The following KDM4A variants were observed in gnomAD, a reference collection of about 807,000 sequenced individuals.
The protein encoded by KDM4A is lysine demethylase 4A, also known as lysine-specific demethylase 4A.
A neutral mutation model predicts 127.1 loss-of-function variants in KDM4A; 23 were observed. The ratio of observed to expected loss-of-function variants is 0.18; its 90% confidence interval spans 0.13 to 0.26. The LOEUF (loss-of-function observed/expected upper bound fraction) is 0.26, where lower values mean the gene tolerates loss of function less well. Ranked by LOEUF, KDM4A falls within the 10% of genes least tolerant of loss-of-function variation. The pLI is 1.00. For missense variants in KDM4A, 890 were observed against 1,329.1 expected, an observed-to-expected ratio of 0.67 and a Z score of 5.14; for synonymous variants, 443 against 466.5, an observed-to-expected ratio of 0.95 and a Z score of 0.65.
intron 11 of KDM4A, among the ~76,000 whole-genome samples, chr1:43,678,885 C>T (rs1346108108): frequency 6.6e-6 from 1 of 152,122 alleles, no homozygotes. Context: ...CACACCCAGC[C>T]TGTGTTTTTA....
intron 4 of KDM4A, among the ~76,000 whole-genome samples, chr1:43,660,692 G>A (rs1660353333): frequency 6.6e-6 from 1 of 152,176 alleles, no homozygotes; most frequent in African/African-American, 2.4e-5. Context: ...TTCTTGAAAG[G>A]GTGGGTTGGC....
At chr1:43,698,513 A>G (rs1466244285) in intron 19 of KDM4A, among the ~76,000 whole-genome samples, 1 of 152,194 alleles carries the variant, frequency 6.6e-6, no homozygotes, top group Non-Finnish European at 1.5e-5. Flanking sequence ...TCAACACCTG[A>G]GACACAGTGG....
intron 12 of KDM4A, among the ~76,000 whole-genome samples, chr1:43,686,626 C>T (rs1009921898): frequency 2.0e-5 from 3 of 152,168 alleles, no homozygotes; most frequent in African/African-American, 2.4e-5. Flanking sequence ...CGTGAGCCAC[C>T]GCACCCAGCC....
At chr1:43,674,654 T>A (rs887583458) in intron 11 of KDM4A, among the ~76,000 whole-genome samples, 1 of 151,938 alleles carries the variant, frequency 6.6e-6, no homozygotes, top group African/African-American at 2.4e-5. Context: ...GTAGCTGGGA[T>A]TACAGGCATG....
At chr1:43,690,246 C>T (rs1298263875) in intron 13 of KDM4A, among the ~76,000 whole-genome samples, 1 of 152,188 alleles carries the variant, frequency 6.6e-6, no homozygotes, top group Non-Finnish European at 1.5e-5. Flanking sequence ...GCTCTGGGTA[C>T]ACTCCTGAGG....
rs1661187648 is a variant in KDM4A, at chr1:43,694,243, G to T, written c.2484+141G>T. ...TTAGATTCCTTAGTGGAGGCCAGGT[G>T]TGGTGGCTCACACCTGTAATCCCAG... On this transcript the variant is annotated intron_variant, in intron 17 of 21. Transcript: ENST00000372396. This position sits in a 1 kb window ranked among gnomAD's most constrained non-coding sequence, Gnocchi z 5.2. 6 of 690,244 alleles carry T rather than the reference G, an allele frequency of 8.7e-6. No individual in the cohort carries two copies. The highest frequency in any genetic ancestry group is 2.6e-4 in the Middle Eastern group (1 of 3,908). 42.8% of individuals were successfully genotyped at this position (690,244 alleles called of 1,614,324 possible).
Position 43,671,859 on chromosome 1 carries a change from A to C in KDM4A, c.1718A>C (p.Glu573Ala). The C allele has an allele frequency of 6.4e-7, 1 of 1,570,306 alleles. No homozygotes were observed. The highest frequency in any genetic ancestry group is 1.2e-5 in the South Asian group (1 of 84,996). The stretch of plus-strand genomic sequence containing the variant: ...GGAAGCGCCGCTAGAAGTTTCAGTG[A>C]GCGGGAGCTGGCAGAGGTATGGGCT... ...KKGSAARSFS[E>A]RELAEVADEY... is the part of the protein sequence containing the mutation. The change falls in exon 11 of 22, where the codon GAG becomes GCG. Residue 573 changes from glutamate (E) to alanine (A), a missense_variant. Physicochemically the swap from Glu to Ala is moderately radical, Grantham distance 107 (BLOSUM62 -1). Around this residue, in one of 7 missense-constraint regions of KDM4A, gnomAD observed 389 missense variants for 485.9 expected, o/e 0.80. Coordinates refer to ENST00000372396, the MANE Select transcript of KDM4A (RefSeq NM_014663.3).
chr1:43,694,666 T>C lies in KDM4A; in HGVS notation c.2485-43T>C. The C allele has an allele frequency of 6.5e-7, 1 of 1,536,930 alleles. No individual in the cohort carries two copies. The highest frequency in any genetic ancestry group is 8.9e-7 in the Non-Finnish European group (1 of 1,117,334). Reference sequence around the variant, plus strand: ...AGGGGAACAACAGAGGAAGCTGCAGTGCCAGTTCCTGCAATCACTGGTTTT... The same window carrying C: ...AGGGGAACAACAGAGGAAGCTGCAGCGCCAGTTCCTGCAATCACTGGTTTT... On this transcript the variant is annotated intron_variant, in intron 17 of 21. Transcript: ENST00000372396. The surrounding 1 kb of genome is among the most constrained non-coding windows in gnomAD (Gnocchi z 5.2).
At position 43,669,089 on chromosome 1, in the gene KDM4A, C is replaced by T. The variant is rs765952631; in HGVS notation, c.1164-11C>T. On this transcript the variant is annotated splice_polypyrimidine_tract_variant and intron_variant, in intron 9 of 21. Coordinates refer to ENST00000372396, the MANE Select transcript of KDM4A (RefSeq NM_014663.3). ...TGTGGGCTCTTAAAAGATTTGCCCT[C>T]TCCCTTGCAGCCTGGCCAAGCACCG... The T allele has an allele frequency of 3.1e-6, 5 of 1,614,024 alleles. No homozygotes were observed. Among genetic ancestry groups the T allele is most frequent in the Non-Finnish European group, 3.4e-6 (4 of 1,179,994 alleles).
At chr1:43,664,482 G>A (rs1272226358) in intron 5 of KDM4A, among the ~76,000 whole-genome samples, 1 of 152,140 alleles carries the variant, frequency 6.6e-6, no homozygotes, top group African/African-American at 2.4e-5. Flanking sequence ...TGTGTAAAAC[G>A]ATGAGAAGTG....
At chr1:43,673,642 A>G (rs1366392321) in intron 11 of KDM4A, among the ~76,000 whole-genome samples, 1 of 152,080 alleles carries the variant, frequency 6.6e-6, no homozygotes, top group African/African-American at 2.4e-5. Flanking sequence ...TAATGAGCTA[A>G]TAACTACTGT....
intron 5 of KDM4A, among the ~76,000 whole-genome samples, chr1:43,664,076 G>C (rs1476672193): frequency 6.6e-6 from 1 of 152,182 alleles, no homozygotes; most frequent in African/African-American, 2.4e-5. Context: ...AGCTCTGAAG[G>C]GGAAGAAGTG....
intron 11 of KDM4A, among the ~76,000 whole-genome samples, chr1:43,674,651 G>T (rs532258821): frequency 6.6e-6 from 1 of 151,786 alleles, no homozygotes. Context: ...CGAGTAGCTG[G>T]GATTACAGGC....
intron 11 of KDM4A, among the ~76,000 whole-genome samples, chr1:43,675,805 G>A (rs1194845654): frequency 2.6e-5 from 4 of 152,164 alleles, no homozygotes; most frequent in Non-Finnish European, 4.4e-5. Flanking sequence ...GGGTGCCGTG[G>A]TGCATGCCTG....
At position 43,694,751 on chromosome 1, in the gene KDM4A, TGCTGTGTGCAGTGTTCTCACGGCC is replaced by T. The variant is rs1557919778; in HGVS notation, c.2532_2555del (p.Val845_Cys852del). 1 of 1,613,544 alleles carries T rather than the reference TGCTGTGTGCAGTGTTCTCACGGCC, an allele frequency of 6.2e-7. No homozygotes were observed. On this transcript the variant is annotated inframe_deletion, in exon 18 of 22. Transcript: ENST00000372396. This position sits in a 1 kb window ranked among gnomAD's most constrained non-coding sequence, Gnocchi z 5.2. ...GAAGCGGAGGAAAAGAACTGCTGGC[TGCTGTGTGCAGTGTTCTCACGGCC>T]GCTGCCCAACTGCCTTCCATGTGAG...
At chr1:43,690,389 A>G (rs1159977030) in intron 13 of KDM4A, among the ~76,000 whole-genome samples, 1 of 151,964 alleles carries the variant, frequency 6.6e-6, no homozygotes, top group African/African-American at 2.4e-5. Context: ...CTGGGACTAC[A>G]GGCACACACC....
intron 1 of KDM4A, among the ~76,000 whole-genome samples, chr1:43,652,746 A>C (rs1660145239): frequency 6.7e-6 from 1 of 148,218 alleles, no homozygotes; most frequent in African/African-American, 2.5e-5. Flanking sequence ...CGATGGCGCA[A>C]TCTTGGCTCA....
intron 11 of KDM4A, among the ~76,000 whole-genome samples, chr1:43,679,425 G>A (rs1184146536): frequency 3.3e-5 from 5 of 152,210 alleles, no homozygotes; most frequent in Non-Finnish European, 5.9e-5. Context: ...GGGGGCAGAA[G>A]CTGAGCAACT....
chr1:43,662,666 A>G (rs1390778500), intron 4 of KDM4A, among the ~76,000 whole-genome samples: 2 of 152,220 alleles, frequency 1.3e-5, no homozygotes, highest in African/African-American at 4.8e-5. Context: ...TTCCTACACT[A>G]GTATTCACAA....
Sources: gnomAD v4.1 joint callset for allele counts (sites outside exome capture counted in the v4.1 genomes callset) on GRCh38, gnomAD v4.1.1 for gene constraint, gnomAD v4.1.1 regional missense constraint, Gnocchi (gnomAD v3.1) non-coding constraint, MANE v1.5 for transcripts, NCBI Gene and HGNC (gene_info 2026-07-23, HGNC 2026-07-21) for gene names.